PTGFR: variants seen among roughly 807,000 people sequenced by gnomAD.
The protein encoded by PTGFR is prostaglandin F receptor.
In PTGFR, 15 loss-of-function variants were observed where a neutral mutation model predicts 26.2. The observed-to-expected ratio is 0.57, with a 90% CI of 0.38 to 0.88. The LOEUF is 0.88. Among genes scored for constraint, PTGFR ranks in the 40% least tolerant of loss-of-function variants. PTGFR has a pLI of 0.00. For missense variants in PTGFR, 369 were observed against 427.2 expected (o/e 0.86, Z 1.20); for synonymous variants, 165 against 151.1 (o/e 1.09, Z -0.68).
chr1:78,522,990 T>A (rs1466679156), intron 2 of PTGFR, among the ~76,000 whole-genome samples: 2 of 152,062 alleles, frequency 1.3e-5, no homozygotes, highest in African/African-American at 4.8e-5. Flanking sequence ...TTTTACTTTG[T>A]AATCTTCTTT....
intron 2 of PTGFR, among the ~76,000 whole-genome samples, chr1:78,527,670 G>A (rs1650404469): frequency 6.6e-6 from 1 of 152,124 alleles, no homozygotes; most frequent in South Asian, 2.1e-4. Context: ...CATTTATGAT[G>A]ATGATGAGGC....
chr1:78,500,433 C>G (rs1026382702), intron 2 of PTGFR, among the ~76,000 whole-genome samples: 6 of 152,176 alleles, frequency 3.9e-5, no homozygotes, highest in Admixed American at 2.0e-4. Flanking sequence ...GATTGTGTCC[C>G]TGTCTCTTGG....
At chr1:78,532,750 C>T (rs550060682) in intron 2 of PTGFR, among the ~76,000 whole-genome samples, 22 of 151,402 alleles carry the variant, frequency 1.5e-4, no homozygotes, top group African/African-American at 5.3e-4. Context: ...TCATTAATAT[C>T]GAGTCACAGA....
rs549148759 is a variant in PTGFR at position 78,526,393 on chromosome 1, G to T, written c.799-10013G>T. Among the ~76,000 whole-genome samples, 7 of 152,118 alleles carry T rather than the reference G, an allele frequency of 4.6e-5. 1 individual carries two copies. Among genetic ancestry groups the T allele is most frequent in the African/African-American group, 1.7e-4 (7 of 41,536 alleles). On this transcript the variant is annotated intron_variant, in intron 2 of 2. Transcript: ENST00000370757. Reference sequence around the variant, plus strand: ...CTAGTGCTCTTGCCTTTTGCTGTATGTTTGGTGTCATTCATCAGCAGGGAA... The same window carrying T: ...CTAGTGCTCTTGCCTTTTGCTGTATTTTTGGTGTCATTCATCAGCAGGGAA...
At chr1:78,529,391 T>G (rs948445383) in intron 2 of PTGFR, among the ~76,000 whole-genome samples, 1 of 152,188 alleles carries the variant, frequency 6.6e-6, no homozygotes, top group African/African-American at 2.4e-5. Context: ...TTTATTAGGA[T>G]GAAAATGTCT....
chr1:78,492,651 T>C, intron 1 of PTGFR, 21 bp from the exon 2 acceptor site: 1 of 1,242,478 alleles, frequency 8.0e-7, no homozygotes, highest in South Asian at 1.5e-5. Context: ...TGTTCATAAT[T>C]CCTCTCCCTT....
At chr1:78,533,038 A>G (rs1177187540) in intron 2 of PTGFR, among the ~76,000 whole-genome samples, 5 of 152,178 alleles carry the variant, frequency 3.3e-5, no homozygotes, top group African/African-American at 1.2e-4. Flanking sequence ...ATTGGACCAT[A>G]TATAGAGTTA....
At chr1:78,531,312 G>A (rs1650501078) in intron 2 of PTGFR, among the ~76,000 whole-genome samples, 1 of 152,088 alleles carries the variant, frequency 6.6e-6, no homozygotes, top group Non-Finnish European at 1.5e-5. Context: ...CGTCTCTGTT[G>A]TAGCACCTTG....
intron 2 of PTGFR, among the ~76,000 whole-genome samples, chr1:78,519,896 A>G (rs886222645): frequency 1.3e-5 from 2 of 151,862 alleles, no homozygotes; most frequent in African/African-American, 4.8e-5. Context: ...TAAAATTGCA[A>G]CTCTTCTCTT....
chr1:78,493,420 C>G lies in PTGFR; in HGVS notation c.677C>G (p.Thr226Arg). ...TTGTGCAATGCAATCACAGGAATTA[C>G]ACTTTTAAGAGTTAAATTTAAAAGT... is the stretch of plus-strand genomic sequence containing the variant. ...SLLCNAITGI[T>R]LLRVKFKSQQ... Residue 226 changes from threonine (T) to arginine (R), a missense_variant, in exon 2 of 3, where the codon ACA becomes AGA. Coordinates refer to ENST00000370757, the MANE Select transcript of PTGFR (RefSeq NM_000959.4). 3.1e-6 allele frequency: 5 copies of G among 1,613,352 alleles called. No individual in the cohort carries two copies. The highest frequency in any genetic ancestry group is 4.2e-6 in the Non-Finnish European group (5 of 1,179,556).
intron 2 of PTGFR, among the ~76,000 whole-genome samples, chr1:78,504,551 A>C (rs1649781884): frequency 6.6e-6 from 1 of 152,172 alleles, no homozygotes; most frequent in Admixed American, 6.5e-5. Context: ...CTTTTAATTC[A>C]GTATTTGAGT....
At chr1:78,513,909 C>T (rs1650030855) in intron 2 of PTGFR, among the ~76,000 whole-genome samples, 1 of 152,236 alleles carries the variant, frequency 6.6e-6, no homozygotes, top group Admixed American at 6.5e-5. Flanking sequence ...ATGGCCTTAG[C>T]ATCTTCCGTA....
chr1:78,510,482 A>C (rs1054914229), intron 2 of PTGFR, among the ~76,000 whole-genome samples: 1 of 152,092 alleles, frequency 6.6e-6, no homozygotes, highest in Non-Finnish European at 1.5e-5. Flanking sequence ...GAGAACTCAG[A>C]GTAAGATCTC....
chr1:78,506,273 A>G (rs1018669372), intron 2 of PTGFR, among the ~76,000 whole-genome samples: 2 of 151,890 alleles, frequency 1.3e-5, no homozygotes, highest in Non-Finnish European at 2.9e-5. Context: ...TTGTAGTTTG[A>G]GTTACATTTT....
intron 2 of PTGFR, among the ~76,000 whole-genome samples, chr1:78,514,825 A>C (rs911522119): frequency 2.0e-5 from 3 of 152,210 alleles, no homozygotes; most frequent in Non-Finnish European, 2.9e-5. Flanking sequence ...CACTCAGTTC[A>C]TAAGATATCC....
At chr1:78,509,731 T>C (rs1649919493) in intron 2 of PTGFR, among the ~76,000 whole-genome samples, 1 of 152,252 alleles carries the variant, frequency 6.6e-6, no homozygotes, top group African/African-American at 2.4e-5. Flanking sequence ...TTGCCCAATT[T>C]AGATGGTCTG....
intron 2 of PTGFR, among the ~76,000 whole-genome samples, chr1:78,499,052 T>C (rs1649631894): frequency 6.6e-6 from 1 of 152,142 alleles, no homozygotes; most frequent in African/African-American, 2.4e-5. Flanking sequence ...CTTTCTCACA[T>C]TGGGGAAGGC....
At position 78,540,613 on chromosome 1, in the gene PTGFR, A is replaced by G. The variant is rs1310799486; in HGVS notation, c.*3926A>G. Among the ~76,000 whole-genome samples, 1 of 152,160 alleles carries G rather than the reference A, an allele frequency of 6.6e-6. No homozygotes were observed. Among genetic ancestry groups the G allele is most frequent in the African/African-American group, 2.4e-5 (1 of 41,464 alleles). ...AATCTTGGTTCTTAAAAATTCAGGC[A>G]ATTGAAACATTTCTGTATAATACCA... On this transcript the variant is annotated 3_prime_UTR_variant, in exon 3 of 3. Transcript: ENST00000370757.
intron 2 of PTGFR, among the ~76,000 whole-genome samples, chr1:78,516,845 G>T (rs1650100273): frequency 1.3e-5 from 2 of 151,986 alleles, no homozygotes; most frequent in Non-Finnish European, 2.9e-5. Context: ...GCTGAGTGTT[G>T]CGAGGAACCA....
Sources: gnomAD v4.1 joint callset for allele counts (sites outside exome capture counted in the v4.1 genomes callset) on GRCh38, gnomAD v4.1.1 for gene constraint, MANE v1.5 for transcripts, NCBI Gene and HGNC (gene_info 2026-07-23, HGNC 2026-07-21) for gene names.